EFCAB3: variants seen among roughly 807,000 people sequenced by gnomAD.
The protein encoded by EFCAB3 is EF-hand calcium binding domain 3.
In EFCAB3, 36 loss-of-function variants were observed where a neutral mutation model predicts 42.2. The observed-to-expected ratio is 0.85, with a 90% CI of 0.65 to 1.13. The LOEUF is 1.13. EFCAB3 is among the 50% of genes most tolerant of loss of function. The probability of loss-of-function intolerance (pLI) is 0.00; values close to 1 mark genes in which losing one functional copy is unlikely to be tolerated. For missense variants in EFCAB3, 418 were observed against 505.1 expected, an observed-to-expected ratio of 0.83 and a Z score of 1.65; for synonymous variants, 170 against 172.8, an observed-to-expected ratio of 0.98 and a Z score of 0.13.
At chr17:62,402,292 G>C (rs1193529274) in intron 6 of EFCAB3, among the ~76,000 whole-genome samples, 2 of 152,066 alleles carry the variant, frequency 1.3e-5, no homozygotes, top group Non-Finnish European at 2.9e-5. Flanking sequence ...TCCTTCTCCT[G>C]CCTGATTGCC....
chr17:62,395,005 G>C, intron 5 of EFCAB3, 63 bp from the exon 6 acceptor site: 7 of 1,578,926 alleles, frequency 4.4e-6, no homozygotes, highest in Non-Finnish European at 5.2e-6. Context: ...AATCAGTAAA[G>C]AGGTGGTCAA....
Position 62,387,337 on chromosome 17 carries a change from C to A in EFCAB3, c.75-3C>A. 6.2e-7 allele frequency: 1 copy of A among 1,606,054 alleles called. No homozygotes were observed. The highest frequency in any genetic ancestry group is 1.7e-5 in the Admixed American group (1 of 59,186). On this transcript the variant is annotated splice_polypyrimidine_tract_variant and splice_region_variant and intron_variant, in intron 2 of 9. Transcript: ENST00000305286. The stretch of plus-strand genomic sequence containing the variant: ...ATCTAAATATTTTCACATCTTTCCT[C>A]AGGGATAGAGACTTACCAGGATCTC...
intron 8 of EFCAB3, 57 bp downstream of exon 8, chr17:62,407,269 A>G (rs908431081): frequency 3.6e-6 from 5 of 1,395,410 alleles, no homozygotes; most frequent in Non-Finnish European, 3.8e-6. Context: ...GCACTAACTT[A>G]ACAGAACTAA....
intron 6 of EFCAB3, among the ~76,000 whole-genome samples, chr17:62,403,011 G>A (rs2070417309): frequency 6.6e-6 from 1 of 152,156 alleles, no homozygotes; most frequent in Admixed American, 6.5e-5. Flanking sequence ...TCCTAGTTTA[G>A]TCTTGGGAGG....
chr17:62,382,773 G>A (rs949800349), intron 1 of EFCAB3, among the ~76,000 whole-genome samples, 190 bp from the exon 2 acceptor site: 3 of 152,142 alleles, frequency 2.0e-5, no homozygotes, highest in South Asian at 2.1e-4. Flanking sequence ...CTCAGAAATC[G>A]GGAACAACGA....
At chr17:62,378,127 C>T (rs977976811), upstream of EFCAB3, 6 of 881,966 alleles carry the variant, frequency 6.8e-6, no homozygotes, top group African/African-American at 6.9e-5. Context: ...CAGTTTCTAT[C>T]CTCCATCTAC....
Position 62,407,201 on chromosome 17 carries a change from T to G in EFCAB3, c.856T>G (p.Trp286Gly), listed in dbSNP as rs745431852. Residue 286 changes from tryptophan to glycine, a missense_variant, in exon 8 of 10, where the codon TGG becomes GGG. Transcript: ENST00000305286. ...GGATTATTTTTTCCATAAAAGAGAC[T>G]GGAAAACACAGGTGAGATTTAGATT... ...FEDYFFHKRD[W>G]KTQAANIKSM... 3 of 1,583,596 alleles carry G rather than the reference T, an allele frequency of 1.9e-6. No individual in the cohort carries two copies. Among genetic ancestry groups the G allele is most frequent in the African/African-American group, 2.7e-5 (2 of 73,084 alleles).
At chr17:62,386,457 G>T (rs1464779083) in intron 2 of EFCAB3, among the ~76,000 whole-genome samples, 2 of 148,124 alleles carry the variant, frequency 1.4e-5, no homozygotes, top group Non-Finnish European at 2.9e-5. Flanking sequence ...TAAAATAGTT[G>T]TAAAAGTTGT....
chr17:62,379,285 G>T (rs1163089223), upstream of EFCAB3, among the ~76,000 whole-genome samples: 1 of 151,840 alleles, frequency 6.6e-6, no homozygotes, highest in Non-Finnish European at 1.5e-5. Context: ...TGGGCATGGT[G>T]GCCTGCACCT....
At chr17:62,372,954 C>A (rs888500) in intron 1 of EFCAB3, among the ~76,000 whole-genome samples, 91,968 of 152,092 alleles carry the variant, frequency 0.6, 29,682 homozygotes, top group Admixed American at 0.75. Flanking sequence ...ATACAATTTC[C>A]TAAAGCACAG....
At chr17:62,393,434 C>T in intron 4 of EFCAB3, 139 bp from the exon 5 acceptor site, 1 of 659,732 alleles carries the variant, frequency 1.5e-6, no homozygotes, top group Admixed American at 2.8e-5. Context: ...CCAGGGCTCA[C>T]CTGAGCATAT....
At position 62,387,343 on chromosome 17, in the gene EFCAB3, T is replaced by C; in HGVS notation, c.78T>C (p.Asp26=). The change falls in exon 3 of 10, where the codon GAT becomes GAC. Residue 26 remains aspartate, a synonymous_variant. Transcript: ENST00000305286. Reference sequence around the variant, plus strand: ...ATATTTTCACATCTTTCCTCAGGGATAGAGACTTACCAGGATCTCTTCAAT... The same window carrying C: ...ATATTTTCACATCTTTCCTCAGGGACAGAGACTTACCAGGATCTCTTCAAT... ...TKVPISHNKR[D]RDLPGSLQCQ... 6.2e-7 allele frequency: 1 copy of C among 1,609,672 alleles called. No individual in the cohort carries two copies.
intron 9 of EFCAB3, among the ~76,000 whole-genome samples, chr17:62,415,623 A>G (rs1181371622): frequency 6.6e-6 from 1 of 152,026 alleles, no homozygotes. Flanking sequence ...TACTCCGTCA[A>G]TTTGATCACA....
chr17:62,371,729 G>A (rs771817083), intron 1 of EFCAB3, among the ~76,000 whole-genome samples: 1 of 152,150 alleles, frequency 6.6e-6, no homozygotes, highest in African/African-American at 2.4e-5. Context: ...AGATACACAG[G>A]GGAAGGAGGG....
intron 1 of EFCAB3, chr17:62,382,145 C>T (rs1158975481): frequency 6.4e-6 from 1 of 157,240 alleles, no homozygotes; most frequent in African/African-American, 2.4e-5. Flanking sequence ...GGAAAATCTA[C>T]TTACTACTAG....
At chr17:62,393,324 C>T (rs2070320197) in intron 4 of EFCAB3, among the ~76,000 whole-genome samples, 1 of 152,106 alleles carries the variant, frequency 6.6e-6, no homozygotes, top group Non-Finnish European at 1.5e-5. Flanking sequence ...GGTGGACAGA[C>T]TGCAATGGCT....
chr17:62,382,253 TTAAA>T (rs2070209101), intron 1 of EFCAB3, among the ~76,000 whole-genome samples: 2 of 152,244 alleles, frequency 1.3e-5, no homozygotes, highest in African/African-American at 4.8e-5. Flanking sequence ...AATAGCATCT[TTAAA>T]TAACTTTTTC....
chr17:62,387,330 C>G lies in EFCAB3; in HGVS notation c.75-10C>G. 6.2e-7 allele frequency: 1 copy of G among 1,601,122 alleles called. No homozygotes were observed. Among genetic ancestry groups the G allele is most frequent in the Non-Finnish European group, 8.5e-7 (1 of 1,171,630 alleles). ...GTAGTAAATCTAAATATTTTCACAT[C>G]TTTCCTCAGGGATAGAGACTTACCA... On this transcript the variant is annotated splice_polypyrimidine_tract_variant and intron_variant, in intron 2 of 9. Coordinates refer to ENST00000305286, the MANE Select transcript of EFCAB3 (RefSeq NM_173503.4).
At chr17:62,394,967 T>C (rs1431311224) in intron 5 of EFCAB3, 101 bp from the exon 6 acceptor site, 1 of 1,466,316 alleles carries the variant, frequency 6.8e-7, no homozygotes, top group South Asian at 1.4e-5. Flanking sequence ...GTACCTCTAG[T>C]TCCTGACTTG....
Sources: allele counts gnomAD v4.1 joint callset (sites outside exome capture counted in the v4.1 genomes callset), GRCh38; gene constraint gnomAD v4.1.1; transcripts MANE v1.5; gene names NCBI Gene and HGNC (gene_info 2026-07-23, HGNC 2026-07-21).